Variants in ARB2A observed in about 807,000 individuals in gnomAD.
ARB2A encodes ARB2 cotranscriptional regulator A, also known as cotranscriptional regulator ARB2A.
the ARB2A span, among the ~76,000 whole-genome samples, chr5:94,069,502 T>C: frequency 2.0e-5 from 3 of 152,104 alleles, no homozygotes; most frequent in African/African-American, 7.2e-5. Flanking sequence ...AGACAAACTA[T>C]TGCATGGGAG....
the ARB2A span, among the ~76,000 whole-genome samples, chr5:94,026,199 C>T: frequency 6.6e-6 from 1 of 152,114 alleles, no homozygotes; most frequent in African/African-American, 2.4e-5. Context: ...AAATTAACAG[C>T]CCTGTCAGCC....
chr5:93,769,963 A>G, the ARB2A span, among the ~76,000 whole-genome samples: 178 of 152,348 alleles, frequency 1.2e-3, no homozygotes, highest in African/African-American at 4.1e-3. Context: ...TAATAAAAGT[A>G]ACTTAGTATA....
the ARB2A span, among the ~76,000 whole-genome samples, chr5:94,007,210 C>A: frequency 1.3e-5 from 2 of 152,102 alleles, no homozygotes; most frequent in Non-Finnish European, 2.9e-5. Context: ...AGGAACCATA[C>A]ATGTCATTAA....
At chr5:93,664,555 C>T in the ARB2A span, among the ~76,000 whole-genome samples, 454 of 151,220 alleles carry the variant, frequency 3.0e-3, 3 homozygotes, top group African/African-American at 0.011. Flanking sequence ...GACATGAACC[C>T]GGGAGGTGGA....
the ARB2A span, among the ~76,000 whole-genome samples, chr5:94,061,530 T>C: frequency 6.6e-6 from 1 of 152,144 alleles, no homozygotes; most frequent in Non-Finnish European, 1.5e-5. Flanking sequence ...AATGACATGA[T>C]TGTCTACGTA....
chr5:93,937,453 C>A, the ARB2A span, among the ~76,000 whole-genome samples: 8 of 149,068 alleles, frequency 5.4e-5, no homozygotes, highest in Admixed American at 4.7e-4. Context: ...AAAAAAAATA[C>A]AAAAAAAAAT....
the ARB2A span, among the ~76,000 whole-genome samples, chr5:94,016,043 A>G: frequency 1.3e-5 from 2 of 152,192 alleles, no homozygotes; most frequent in Non-Finnish European, 2.9e-5. Context: ...TCTACAACAA[A>G]CCCATGTCAC....
the ARB2A span, among the ~76,000 whole-genome samples, chr5:94,051,247 T>G: frequency 6.6e-6 from 1 of 152,192 alleles, no homozygotes; most frequent in Non-Finnish European, 1.5e-5. Flanking sequence ...GTCAACAGTC[T>G]AAAAATCTGC....
the ARB2A span, among the ~76,000 whole-genome samples, chr5:93,672,678 T>C: frequency 6.6e-6 from 1 of 152,154 alleles, no homozygotes; most frequent in Non-Finnish European, 1.5e-5. Context: ...CAATTAATGA[T>C]GGGTAAGGAA....
At chr5:93,778,805 G>A in the ARB2A span, among the ~76,000 whole-genome samples, 2 of 152,048 alleles carry the variant, frequency 1.3e-5, no homozygotes, top group Non-Finnish European at 2.9e-5. Flanking sequence ...AGTATGCAGA[G>A]GATTAATCAT....
chr5:93,979,638 G>A, the ARB2A span, among the ~76,000 whole-genome samples: 4 of 152,086 alleles, frequency 2.6e-5, no homozygotes, highest in South Asian at 2.1e-4. Flanking sequence ...CATTTTAGAC[G>A]AATGTCTTAT....
the ARB2A span, among the ~76,000 whole-genome samples, chr5:93,779,055 T>C: frequency 6.6e-6 from 1 of 151,810 alleles, no homozygotes; most frequent in African/African-American, 2.4e-5. Context: ...CAAGTACCTG[T>C]GCAGAACTAT....
chr5:93,805,371 T>C, the ARB2A span: 1 of 985,058 alleles, frequency 1.0e-6, no homozygotes, highest in Admixed American at 6.2e-5. Context: ...ATTTTACCTT[T>C]TTCATGTTTC....
the ARB2A span, chr5:93,862,411 A>G: frequency 6.6e-6 from 1 of 152,268 alleles, no homozygotes; most frequent in Non-Finnish European, 1.5e-5. Flanking sequence ...TATGAATCAA[A>G]TAATTCCATC....
the ARB2A span, among the ~76,000 whole-genome samples, chr5:93,952,056 C>T: frequency 6.6e-6 from 1 of 152,020 alleles, no homozygotes; most frequent in African/African-American, 2.4e-5. Context: ...AAACTAAGAG[C>T]CCTGGATATA....
At chr5:93,912,897 A>G in the ARB2A span, among the ~76,000 whole-genome samples, 1,007 of 151,946 alleles carry the variant, frequency 6.6e-3, 7 homozygotes, top group Non-Finnish European at 8.5e-3. Flanking sequence ...CATGTAAAGG[A>G]AGACCATTTT....
the ARB2A span, among the ~76,000 whole-genome samples, chr5:93,885,696 T>G: frequency 6.6e-6 from 1 of 151,672 alleles, no homozygotes; most frequent in Non-Finnish European, 1.5e-5. Context: ...TCTCATTCCA[T>G]TTTTATACTT....
chr5:93,915,076 T>C, the ARB2A span, among the ~76,000 whole-genome samples: 3 of 152,108 alleles, frequency 2.0e-5, no homozygotes, highest in Admixed American at 6.6e-5. Flanking sequence ...CCGTATCACA[T>C]GACATGGTTA....
chr5:93,915,673 C>T, the ARB2A span, among the ~76,000 whole-genome samples: 3 of 151,886 alleles, frequency 2.0e-5, no homozygotes, highest in East Asian at 1.9e-4. Flanking sequence ...CTAATATAGG[C>T]AATGGTTATC....
Sources: allele counts gnomAD v4.1 joint callset (sites outside exome capture counted in the v4.1 genomes callset), GRCh38; gene constraint gnomAD v4.1.1; transcripts MANE v1.5; gene names NCBI Gene and HGNC (gene_info 2026-07-23, HGNC 2026-07-21).